Variants in BMP5 observed in about 807,000 individuals in gnomAD.
The protein encoded by BMP5 is bone morphogenetic protein 5.
Under a neutral mutation model 46.6 loss-of-function variants are expected in BMP5, and 23 were observed. The observed-to-expected ratio is 0.49, with a 90% CI of 0.35 to 0.70. BMP5 has a LOEUF of 0.70. Among genes scored for constraint, BMP5 ranks in the 30% least tolerant of loss-of-function variants. The pLI is 0.00. For missense variants in BMP5, 545 were observed against 565.6 expected (o/e 0.96, Z 0.37); for synonymous variants, 204 against 191.9 (o/e 1.06, Z -0.52).
At chr6:55,826,675 A>G (rs1238323223) in intron 1 of BMP5, among the ~76,000 whole-genome samples, 2 of 151,412 alleles carry the variant, frequency 1.3e-5, no homozygotes, top group Non-Finnish European at 3.0e-5. Flanking sequence ...TGAAAATTAT[A>G]TATTTAATAA....
chr6:55,848,051 C>T (rs1447526480), intron 1 of BMP5, among the ~76,000 whole-genome samples: 1 of 151,822 alleles, frequency 6.6e-6, no homozygotes, highest in African/African-American at 2.4e-5. Context: ...ATTTACTTTC[C>T]TAGTCAAAAC....
intron 4 of BMP5, among the ~76,000 whole-genome samples, chr6:55,767,089 A>G (rs1430408696): frequency 6.6e-6 from 1 of 152,034 alleles, no homozygotes; most frequent in African/African-American, 2.4e-5. Context: ...TTTCCTAGAG[A>G]GAAATTTAAC....
At chr6:55,796,016 A>T (rs1263186008) in intron 2 of BMP5, among the ~76,000 whole-genome samples, 1 of 152,170 alleles carries the variant, frequency 6.6e-6, no homozygotes, top group African/African-American at 2.4e-5. Context: ...AAATAAGCAG[A>T]CAAGAAAATA....
intron 4 of BMP5, among the ~76,000 whole-genome samples, chr6:55,772,327 C>T (rs1490522184): frequency 2.0e-5 from 3 of 151,922 alleles, no homozygotes; most frequent in African/African-American, 7.2e-5. Context: ...GGGAAAAGGA[C>T]TTTGATGATT....
intron 4 of BMP5, among the ~76,000 whole-genome samples, chr6:55,773,300 A>G (rs1775089666): frequency 6.6e-6 from 1 of 151,912 alleles, no homozygotes; most frequent in Admixed American, 6.6e-5. Flanking sequence ...AATAGCCACC[A>G]TTTTCATCTA....
intron 2 of BMP5, among the ~76,000 whole-genome samples, chr6:55,802,585 A>C (rs1775875380): frequency 6.6e-6 from 1 of 152,118 alleles, no homozygotes; most frequent in South Asian, 2.1e-4. Flanking sequence ...TGTCAAAATA[A>C]ACAGAAAATT....
Position 55,850,390 on chromosome 6 carries a change from A to ATAGG in BMP5, c.490+23985_490+23986insCCTA, listed in dbSNP as rs1554185917. ...GATAGATAGATAGATAGATAGATAGATAGATCGATAGATATAGATAGATAG... is the reference window on the plus strand; with the variant it reads ...GATAGATAGATAGATAGATAGATAGATAGGTAGATCGATAGATATAGATAGATAG... On this transcript the variant is annotated intron_variant, in intron 1 of 6. Transcript: ENST00000370830. Among the ~76,000 whole-genome samples the ATAGG allele has an allele frequency of 6.4e-3, 904 of 141,326 alleles. 15 individuals carry two copies. The highest frequency in any genetic ancestry group is 0.024 in the African/African-American group (854 of 36,274). 92.7% of individuals were successfully genotyped at this position (141,326 alleles called of 152,430 possible).
At chr6:55,864,077 T>A (rs1777583293) in intron 1 of BMP5, among the ~76,000 whole-genome samples, 1 of 152,170 alleles carries the variant, frequency 6.6e-6, no homozygotes, top group Non-Finnish European at 1.5e-5. Flanking sequence ...ATAAAATTAT[T>A]CCTCAATGTA....
chr6:55,821,467 G>A (rs1166472695), intron 1 of BMP5, among the ~76,000 whole-genome samples: 4 of 152,050 alleles, frequency 2.6e-5, no homozygotes, highest in Non-Finnish European at 5.9e-5. Flanking sequence ...TACTATAGGT[G>A]TTCCCCACTG....
chr6:55,855,054 A>C (rs1777352489), intron 1 of BMP5, among the ~76,000 whole-genome samples: 1 of 152,016 alleles, frequency 6.6e-6, no homozygotes, highest in African/African-American at 2.4e-5. Context: ...CTTCTCCTTT[A>C]GAAAACAGAA....
chr6:55,844,073 A>C (rs1777036519), intron 1 of BMP5, among the ~76,000 whole-genome samples: 1 of 152,000 alleles, frequency 6.6e-6, no homozygotes, highest in Admixed American at 6.6e-5. Flanking sequence ...GGTTGTTTTC[A>C]GTTTAATAAA....
chr6:55,800,168 C>G (rs893484998), intron 2 of BMP5, among the ~76,000 whole-genome samples: 1 of 151,856 alleles, frequency 6.6e-6, no homozygotes, highest in South Asian at 2.1e-4. Flanking sequence ...GATCTGAAGA[C>G]GATATACTTA....
At position 55,755,292 on chromosome 6, in the gene BMP5, G is replaced by A. The variant is rs569206923; in HGVS notation, c.*241C>T. 7.9e-6 allele frequency: 3 copies of A among 377,776 alleles called. No individual in the cohort carries two copies. Among genetic ancestry groups the A allele is most frequent in the Admixed American group, 8.4e-5 (2 of 23,786 alleles). The allele number at this position is 377,776 out of a possible 1,614,324, so 23.4% of individuals were successfully genotyped here. On this transcript the variant is annotated 3_prime_UTR_variant, in exon 7 of 7. Coordinates refer to ENST00000370830, the MANE Select transcript of BMP5 (RefSeq NM_021073.4). ...GCATAACCCATTGAAAATTATACTA[G>A]ATGATCTATTGTATAATGTAGTGGC...
intron 3 of BMP5, among the ~76,000 whole-genome samples, chr6:55,791,984 G>T (rs929207104): frequency 1.3e-5 from 2 of 152,132 alleles, no homozygotes; most frequent in Non-Finnish European, 2.9e-5. Context: ...GCTTAACATT[G>T]TAAGAATTCT....
intron 1 of BMP5, among the ~76,000 whole-genome samples, chr6:55,843,188 T>C (rs780990435): frequency 1.3e-5 from 2 of 152,252 alleles, no homozygotes; most frequent in African/African-American, 2.4e-5. Context: ...TTCTCTGATA[T>C]CATAAGTTAG....
rs754365141 is a variant in BMP5 at position 55,759,144 on chromosome 6, CAAAAAAAAAAAAAAAAAAAAAAAAA to C, written c.1105-54_1105-30del. The stretch of plus-strand genomic sequence containing the variant: ...ACACATACACACACACACACACACA[CAAAAAAAAAAAAAAAAAAAAAAAAA>C]AAAAAAAAAAAAAACAACAAGAAAA... On this transcript the variant is annotated intron_variant, in intron 5 of 6. Transcript: ENST00000370830. 5.9e-5 allele frequency: 5 copies of C among 85,082 alleles called. 1 individual carries two copies. Among genetic ancestry groups the C allele is most frequent in the Middle Eastern group, 1.6e-3 (1 of 632 alleles). The allele number at this position is 85,082 out of a possible 1,614,324, so 5.3% of individuals were successfully genotyped here.
intron 1 of BMP5, among the ~76,000 whole-genome samples, chr6:55,844,153 T>A (rs1777039485): frequency 6.6e-6 from 1 of 152,006 alleles, no homozygotes; most frequent in Non-Finnish European, 1.5e-5. Flanking sequence ...AAGAGTTGAT[T>A]GTTCTGTCTT....
chr6:55,777,641 G>A (rs192926893), intron 3 of BMP5, among the ~76,000 whole-genome samples: 16 of 152,084 alleles, frequency 1.1e-4, no homozygotes, highest in African/African-American at 3.6e-4. Context: ...AACAGTGATA[G>A]ATTTGATTCG....
chr6:55,791,715 A>T (rs191800242), intron 3 of BMP5, among the ~76,000 whole-genome samples: 1 of 152,208 alleles, frequency 6.6e-6, no homozygotes, highest in African/African-American at 2.4e-5. Context: ...GGGGGAAAAA[A>T]CAAAAAGAGA....
Sources: gnomAD v4.1 joint callset for allele counts (sites outside exome capture counted in the v4.1 genomes callset) on GRCh38, gnomAD v4.1.1 for gene constraint, MANE v1.5 for transcripts, NCBI Gene and HGNC (gene_info 2026-07-23, HGNC 2026-07-21) for gene names.